The following RGS10 variants were observed in gnomAD, a reference collection of about 807,000 sequenced individuals.
RGS10 encodes the protein regulator of G-protein signalling 10.
In RGS10, 11 loss-of-function variants were observed where a neutral mutation model predicts 23.5. That is an observed-to-expected ratio of 0.47 (90% CI 0.29 to 0.77). The LOEUF (loss-of-function observed/expected upper bound fraction) is 0.77. Ranked by LOEUF, RGS10 falls within the 30% of genes least tolerant of loss-of-function variation. The pLI is 0.08. For synonymous variants in RGS10, 77 were observed against 83.2 expected (o/e 0.92, Z 0.41); for missense variants, 180 against 226.3 (o/e 0.80, Z 1.31).
chr10:119,506,499 G>T (rs917817324), intron 4 of RGS10, among the ~76,000 whole-genome samples: 1 of 152,216 alleles, frequency 6.6e-6, no homozygotes, highest in African/African-American at 2.4e-5. Flanking sequence ...CCAAGCTCAC[G>T]GGTTCACGCG....
At chr10:119,525,987 T>C (rs1844268538) in intron 3 of RGS10, 45 bp downstream of exon 3, 1 of 1,066,732 alleles carries the variant, frequency 9.4e-7, no homozygotes, top group Non-Finnish European at 1.4e-6. Flanking sequence ...GGAAAGGCAG[T>C]TGTAACTTTA....
intron 1 of RGS10, among the ~76,000 whole-genome samples, chr10:119,536,691 T>A (rs1166484526): frequency 6.6e-6 from 1 of 152,196 alleles, no homozygotes; most frequent in Non-Finnish European, 1.5e-5. Context: ...AAACTGTTAT[T>A]TGTAGCCTCC....
chr10:119,536,831 C>T (rs909135959), intron 1 of RGS10, among the ~76,000 whole-genome samples: 9 of 152,148 alleles, frequency 5.9e-5, no homozygotes, highest in African/African-American at 2.2e-4. Context: ...TGGGGCCTGA[C>T]ATTTCTGCGT....
At chr10:119,519,827 G>C (rs1275703868) in intron 3 of RGS10, among the ~76,000 whole-genome samples, 4 of 152,128 alleles carry the variant, frequency 2.6e-5, no homozygotes, top group Admixed American at 2.6e-4. Flanking sequence ...TGAATTCTGG[G>C]GTTTCCCAGA....
At chr10:119,507,201 C>CA (rs1844023772) in intron 4 of RGS10, among the ~76,000 whole-genome samples, 1 of 152,136 alleles carries the variant, frequency 6.6e-6, no homozygotes, top group Admixed American at 6.5e-5. Flanking sequence ...TCTTTTGGAG[C>CA]AAATGTCACC....
At chr10:119,506,019 C>T (rs762748782) in intron 4 of RGS10, among the ~76,000 whole-genome samples, 7 of 152,332 alleles carry the variant, frequency 4.6e-5, no homozygotes, top group Non-Finnish European at 7.3e-5. Flanking sequence ...GAAGCACCGC[C>T]GTCTCTGAAT....
intron 1 of RGS10, among the ~76,000 whole-genome samples, chr10:119,531,274 G>C (rs1373165088): frequency 1.3e-5 from 2 of 152,124 alleles, no homozygotes; most frequent in Non-Finnish European, 2.9e-5. Context: ...ACTGTTCCAG[G>C]AACAATCTAG....
At chr10:119,536,484 C>A in intron 1 of RGS10, 2 of 1,612,628 alleles carry the variant, frequency 1.2e-6, no homozygotes, top group Non-Finnish European at 1.7e-6. Flanking sequence ...CTGGTGTCCA[C>A]CTGAGAAGTT....
At chr10:119,502,762 G>A (rs1843966766) in intron 4 of RGS10, among the ~76,000 whole-genome samples, 4 of 152,136 alleles carry the variant, frequency 2.6e-5, no homozygotes, top group Admixed American at 2.6e-4. Context: ...TCCCTACTGG[G>A]GCAGGTGTGA....
intron 1 of RGS10, among the ~76,000 whole-genome samples, chr10:119,537,933 T>C (rs1844404495): frequency 1.3e-5 from 2 of 152,194 alleles, no homozygotes; most frequent in South Asian, 4.1e-4. Flanking sequence ...CCTCTGTCCC[T>C]CAGGTGCCCA....
At chr10:119,528,047 G>T (rs1844295085) in intron 1 of RGS10, among the ~76,000 whole-genome samples, 1 of 152,116 alleles carries the variant, frequency 6.6e-6, no homozygotes, top group Non-Finnish European at 1.5e-5. Context: ...TTGTTTGTTT[G>T]TTTTTGACAG....
At chr10:119,506,981 G>A (rs1052296309) in intron 4 of RGS10, among the ~76,000 whole-genome samples, 1 of 152,178 alleles carries the variant, frequency 6.6e-6, no homozygotes, top group African/African-American at 2.4e-5. Context: ...TTACAGGCGT[G>A]AGCCACCATG....
At chr10:119,532,910 T>C (rs1387893761) in intron 1 of RGS10, among the ~76,000 whole-genome samples, 1 of 151,470 alleles carries the variant, frequency 6.6e-6, no homozygotes, top group Admixed American at 6.6e-5. Context: ...CATGGTGGTA[T>C]GGGCCTGTAG....
chr10:119,502,468 C>G lies in RGS10; in HGVS notation c.400-2209G>C, dbSNP rs367757722. 2.0e-4 allele frequency among the ~76,000 whole-genome samples: 30 copies of G among 152,336 alleles called. No homozygotes were observed. The East Asian group carries it at 4.4e-3, about 23-fold the overall frequency. On this transcript the variant is annotated intron_variant, in intron 4 of 4. Transcript: ENST00000369103. ...CCACCACTCTAAGCAGGATGCGGTG[C>G]GACCCAAGCGTCTCGTGTGAAGTCT...
At chr10:119,519,141 G>A (rs1447541970) in intron 3 of RGS10, among the ~76,000 whole-genome samples, 1 of 152,220 alleles carries the variant, frequency 6.6e-6, no homozygotes, top group East Asian at 1.9e-4. Context: ...CGCTGCCCAG[G>A]CAGCGAGGCC....
At chr10:119,500,478 C>A (rs1387014940) in intron 4 of RGS10, among the ~76,000 whole-genome samples, 1 of 152,056 alleles carries the variant, frequency 6.6e-6, no homozygotes, top group Non-Finnish European at 1.5e-5. Context: ...TAGACAGTCA[C>A]ATGAACAAAT....
chr10:119,509,308 G>A (rs1170945636), intron 4 of RGS10, among the ~76,000 whole-genome samples: 1 of 152,114 alleles, frequency 6.6e-6, no homozygotes, highest in African/African-American at 2.4e-5. Context: ...GTGAAAGAAG[G>A]CCGGGCACAG....
In RGS10 at chr10:119,524,365, CG is replaced by C. The variant is rs1436219547; in HGVS notation, c.255+1666del. Among the ~76,000 whole-genome samples, 2 of 152,138 alleles carry C rather than the reference CG, an allele frequency of 1.3e-5. No individual in the cohort carries two copies. The highest frequency in any genetic ancestry group is 4.8e-5 in the African/African-American group (2 of 41,452). ...TTCAAGTCCTAGCTCTGCCACGGTG[CG>C]GGGACCTCACTTCCTTGTCTACACT... On this transcript the variant is annotated intron_variant, in intron 3 of 4. Coordinates refer to ENST00000369103, the MANE Select transcript of RGS10 (RefSeq NM_001005339.2). This position sits in a 1 kb window ranked among gnomAD's most constrained non-coding sequence, Gnocchi z 5.2.
At chr10:119,540,627 C>G (rs906606744) in intron 1 of RGS10, among the ~76,000 whole-genome samples, 1 of 152,172 alleles carries the variant, frequency 6.6e-6, no homozygotes, top group Non-Finnish European at 1.5e-5. Flanking sequence ...ATAATTTGTT[C>G]CCTAAAACTG....
Sources: gnomAD v4.1 joint callset for allele counts (sites outside exome capture counted in the v4.1 genomes callset) on GRCh38, gnomAD v4.1.1 for gene constraint, Gnocchi (gnomAD v3.1) non-coding constraint, MANE v1.5 for transcripts, NCBI Gene and HGNC (gene_info 2026-07-23, HGNC 2026-07-21) for gene names.